The following BLOC1S5 variants were observed in gnomAD, a reference collection of about 807,000 sequenced individuals.
BLOC1S5 encodes biogenesis of lysosomal organelles complex 1 subunit 5, also known as biogenesis of lysosome-related organelles complex 1 subunit 5.
Under a neutral mutation model 24.3 loss-of-function variants are expected in BLOC1S5, and 27 were observed. The observed-to-expected ratio is 1.11, with a 90% CI of 0.82 to 1.53. The LOEUF (loss-of-function observed/expected upper bound fraction) is 1.53. BLOC1S5 is among the 40% of genes most tolerant of loss of function. The pLI is 0.00. For missense variants in BLOC1S5, 239 were observed against 229.4 expected (o/e 1.04, Z -0.27); for synonymous variants, 84 against 74.5 (o/e 1.13, Z -0.66).
chr6:8,054,164 G>A, intron 2 of BLOC1S5: 1 of 384,112 alleles, frequency 2.6e-6, no homozygotes. Context: ...TCTTTTCCCA[G>A]CTTTTCCCTC....
intron 4 of BLOC1S5, among the ~76,000 whole-genome samples, chr6:8,016,876 CAAAAAAAAA>C (rs36179729): frequency 1.0e-5 from 1 of 97,602 alleles, no homozygotes; most frequent in East Asian, 3.5e-4. Flanking sequence ...TACTCTATCT[CAAAAAAAAA>C]AAAAAAAAAA....
intron 3 of BLOC1S5, among the ~76,000 whole-genome samples, chr6:8,036,594 A>G (rs2113551871): frequency 6.6e-6 from 1 of 152,320 alleles, no homozygotes; most frequent in South Asian, 2.1e-4. Flanking sequence ...GCAAACATTT[A>G]AAGAAGAATT....
chr6:8,016,753 G>T (rs1022095202), intron 4 of BLOC1S5, among the ~76,000 whole-genome samples: 36 of 150,998 alleles, frequency 2.4e-4, no homozygotes, highest in Admixed American at 2.2e-3. Flanking sequence ...GTGATCCCAG[G>T]GCCTGTGATC....
At chr6:8,054,765 A>G (rs1386922222) in intron 2 of BLOC1S5, among the ~76,000 whole-genome samples, 1 of 152,230 alleles carries the variant, frequency 6.6e-6, no homozygotes, top group Non-Finnish European at 1.5e-5. Flanking sequence ...TGAATGTAGT[A>G]GTGTGCCCTT....
chr6:8,029,535 CCAGAAAA>C (rs1398146287), intron 3 of BLOC1S5, among the ~76,000 whole-genome samples: 15 of 152,058 alleles, frequency 9.9e-5, no homozygotes, highest in African/African-American at 2.7e-4. Flanking sequence ...TCAAGGACAG[CCAGAAAA>C]AAAGGAGAGA....
intron 4 of BLOC1S5, 90 bp downstream of exon 4, chr6:8,026,273 GCATT>G: frequency 2.0e-6 from 2 of 988,528 alleles, no homozygotes; most frequent in Non-Finnish European, 3.1e-6. Flanking sequence ...AAAACTCACT[GCATT>G]CAGAGAATTT....
intron 3 of BLOC1S5, among the ~76,000 whole-genome samples, chr6:8,034,879 T>C (rs9505340): frequency 6.6e-6 from 1 of 151,870 alleles, no homozygotes; most frequent in Admixed American, 6.6e-5. Flanking sequence ...TGCAAAAATA[T>C]GGAACCAGCC....
At position 8,058,281 on chromosome 6, in the gene BLOC1S5, A is replaced by G. The variant is rs571837923; in HGVS notation, c.195+4253T>C. ...ATGCTTATAATCCCAGTACTTTTGGAGACTGGGGTAGGAGGATCAATTGAG... is the reference window on the plus strand; with the variant it reads ...ATGCTTATAATCCCAGTACTTTTGGGGACTGGGGTAGGAGGATCAATTGAG... On this transcript the variant is annotated intron_variant, in intron 2 of 4. Transcript: ENST00000397457. 2.1e-5 allele frequency among the ~76,000 whole-genome samples: 3 copies of G among 146,082 alleles called. No homozygotes were observed. The East Asian group carries it at 6.6e-4, about 32-fold the overall frequency.
chr6:8,061,706 C>T (rs143439923), intron 2 of BLOC1S5, among the ~76,000 whole-genome samples: 42 of 152,352 alleles, frequency 2.8e-4, no homozygotes, highest in African/African-American at 9.9e-4. Flanking sequence ...GAAACTTACA[C>T]AGAATCACAA....
intron 2 of BLOC1S5, among the ~76,000 whole-genome samples, chr6:8,048,306 T>A (rs1361174593): frequency 1.3e-5 from 2 of 152,236 alleles, no homozygotes; most frequent in Non-Finnish European, 2.9e-5. Context: ...GGACTTGGAA[T>A]GAGCAGGTGT....
At chr6:8,063,821 G>C (rs1274708551) in intron 1 of BLOC1S5, among the ~76,000 whole-genome samples, 2 of 152,140 alleles carry the variant, frequency 1.3e-5, no homozygotes, top group Non-Finnish European at 2.9e-5. Flanking sequence ...GAGCGCCTTC[G>C]TAAGTGTATC....
intron 4 of BLOC1S5, among the ~76,000 whole-genome samples, chr6:8,017,385 A>C (rs9378511): frequency 4.0e-5 from 6 of 149,520 alleles, no homozygotes; most frequent in East Asian, 2.0e-4. Context: ...CTCAAAAACA[A>C]ACACACACAC....
chr6:8,051,956 A>T (rs2113590303), intron 2 of BLOC1S5, among the ~76,000 whole-genome samples: 1 of 150,616 alleles, frequency 6.6e-6, no homozygotes, highest in African/African-American at 2.4e-5. Flanking sequence ...GTCTGCTGAT[A>T]GAACATCCAT....
At chr6:8,055,410 G>A (rs1167968889) in intron 2 of BLOC1S5, among the ~76,000 whole-genome samples, 2 of 152,136 alleles carry the variant, frequency 1.3e-5, no homozygotes, top group East Asian at 1.9e-4. Flanking sequence ...ATTCCAGCCC[G>A]GGAGAAGAGT....
chr6:8,016,093 A>C (rs1253790513), intron 4 of BLOC1S5, among the ~76,000 whole-genome samples: 1 of 152,244 alleles, frequency 6.6e-6, no homozygotes, highest in Admixed American at 6.5e-5. Flanking sequence ...TGGGAGGCCG[A>C]AGCCGGTGGA....
intron 3 of BLOC1S5, among the ~76,000 whole-genome samples, chr6:8,030,865 C>CAAAAAAAAAAAAAAAAAAAAAAAAAAA (rs55692261): frequency 8.4e-6 from 1 of 118,546 alleles, no homozygotes; most frequent in African/African-American, 3.2e-5. Flanking sequence ...GACCAACAGT[C>CAAAAAAAAAAAAAAAAAAAAAAAAAAA]AAAAAAAAAA....
rs878933801 is a variant in BLOC1S5, at chr6:8,015,321, T to C, written c.*328A>G. ...CTGTATAGAAATGAATGAAATTATC[T>C]TTCTAAGAAGTCTATACCTACAGTT... On this transcript the variant is annotated 3_prime_UTR_variant, in exon 5 of 5. Coordinates refer to ENST00000397457, the MANE Select transcript of BLOC1S5 (RefSeq NM_201280.3). 7 of 213,646 alleles carry C rather than the reference T, an allele frequency of 3.3e-5. No homozygotes were observed. The South Asian group carries it at 9.1e-4, about 28-fold the overall frequency. 13.2% of individuals were successfully genotyped at this position (213,646 alleles called of 1,614,324 possible). A position where few individuals can be genotyped will look rare whatever the true frequency, so the allele number is the denominator to read the frequency against.
At chr6:8,049,608 C>T (rs971861796) in intron 2 of BLOC1S5, among the ~76,000 whole-genome samples, 2 of 152,136 alleles carry the variant, frequency 1.3e-5, no homozygotes, top group Non-Finnish European at 2.9e-5. Context: ...CTATCTCCTC[C>T]ATAGCTTTCC....
Position 8,015,567 on chromosome 6 carries a change from G to A in BLOC1S5, c.*82C>T. On this transcript the variant is annotated 3_prime_UTR_variant, in exon 5 of 5. Transcript: ENST00000397457. ...AATATATTGCTAAGCTTGAAGCAGA[G>A]GCTAAACGGTCTGGTGGGAATAGTT... 5 of 1,387,488 alleles carry A rather than the reference G, an allele frequency of 3.6e-6. No individual in the cohort carries two copies. The highest frequency in any genetic ancestry group is 4.9e-6 in the Non-Finnish European group (5 of 1,012,354). The allele number at this position is 1,387,488 out of a possible 1,614,324, so 85.9% of individuals were successfully genotyped here.
Sources: allele counts gnomAD v4.1 joint callset (sites outside exome capture counted in the v4.1 genomes callset), GRCh38; gene constraint gnomAD v4.1.1; transcripts MANE v1.5; gene names NCBI Gene and HGNC (gene_info 2026-07-23, HGNC 2026-07-21).